The following ZNF521 variants were observed in gnomAD, a reference collection of about 807,000 sequenced individuals.
ZNF521 encodes LYST-interacting protein 3.
In ZNF521, 14 loss-of-function variants were observed where a neutral mutation model predicts 105.5. That is an observed-to-expected ratio of 0.13 (90% confidence interval 0.09 to 0.21). ZNF521 has a LOEUF of 0.21. ZNF521 is among the 10% of genes least tolerant of loss of function. The pLI is 1.00. For missense variants in ZNF521, 1,233 were observed against 1,629.7 expected (o/e 0.76, Z 4.19); for synonymous variants, 635 against 606.0 (o/e 1.05, Z -0.70).
At chr18:25,285,490 GGC>G (rs1910645720) in intron 3 of ZNF521, among the ~76,000 whole-genome samples, 1 of 152,160 alleles carries the variant, frequency 6.6e-6, no homozygotes, top group Non-Finnish European at 1.5e-5. Context: ...TACACAGGCT[GGC>G]CATTTAGGGG....
chr18:25,165,434 G>C (rs1321267953), intron 5 of ZNF521, among the ~76,000 whole-genome samples: 2 of 152,194 alleles, frequency 1.3e-5, no homozygotes, highest in African/African-American at 2.4e-5. Context: ...TGGAACTGCT[G>C]ACAGCAGCAA....
Position 25,292,670 on chromosome 18 carries a change from T to C in ZNF521, c.220+29338A>G, listed in dbSNP as rs1006870988. Among the ~76,000 whole-genome samples, 3 of 152,270 alleles carry C rather than the reference T, an allele frequency of 2.0e-5. No homozygotes were observed. In the South Asian group the frequency reaches 6.2e-4, roughly 32 times the overall value. ...AACGTTATCAGGGAAACAGCCCCAT[T>C]AGACATGACCATGTGGCTTCTGTTG... On this transcript the variant is annotated intron_variant, in intron 3 of 7. Coordinates refer to ENST00000361524, the MANE Select transcript of ZNF521 (RefSeq NM_015461.3).
chr18:25,122,990 G>C (rs2034471561), intron 5 of ZNF521, among the ~76,000 whole-genome samples: 1 of 152,036 alleles, frequency 6.6e-6, no homozygotes, highest in South Asian at 2.1e-4. Context: ...CTTAACTTAG[G>C]ATGAGATTCT....
chr18:25,088,917 G>A (rs1361225132), intron 7 of ZNF521, among the ~76,000 whole-genome samples: 1 of 152,166 alleles, frequency 6.6e-6, no homozygotes, highest in Non-Finnish European at 1.5e-5. Flanking sequence ...TAATCAAGTG[G>A]ACCACTCAAG....
rs1029670115 is a variant in ZNF521, at chr18:25,225,202, G to A, written c.2716C>T (p.Leu906Phe). 3 of 1,614,090 alleles carry A rather than the reference G, an allele frequency of 1.9e-6. No homozygotes were observed. In the African/African-American group the frequency reaches 4.0e-5, roughly 22 times the overall value. The change falls in exon 4 of 8, where the codon CTC becomes TTC. Residue 906 changes from leucine (L) to phenylalanine (F), a missense_variant. This residue lies in a region of ZNF521 where 614 missense variants were observed against 751.5 expected (regional missense o/e 0.82). Transcript: ENST00000361524. This position sits in a 1 kb window ranked among gnomAD's most constrained non-coding sequence, Gnocchi z 5.6. ...CCAGGTCTGATGTTGTGGTCTCGGA[G>A]CTGGTGATTCTGCAGCAAAGTTTCC... is the stretch of plus-strand genomic sequence containing the variant. ...TMETLLQNHQ[L>F]RDHNIRPGES...
chr18:25,114,538 A>G (rs1480386268), intron 5 of ZNF521, among the ~76,000 whole-genome samples: 1 of 152,204 alleles, frequency 6.6e-6, no homozygotes. Flanking sequence ...TGGGCAGGAT[A>G]AATAAGTATT....
rs529652782 is a variant in ZNF521 at position 25,088,538 on chromosome 18, C to T, written c.3906+927G>A. 9.9e-5 allele frequency among the ~76,000 whole-genome samples: 15 copies of T among 152,000 alleles called. No individual in the cohort carries two copies. In the South Asian group the frequency reaches 1.3e-3, roughly 13 times the overall value. ...CCGGCCAACAGAATAATTTTCAGTT[C>T]GACTCTATTCTCCTCCACGGGAACC... On this transcript the variant is annotated intron_variant, in intron 7 of 7. Coordinates refer to ENST00000361524, the MANE Select transcript of ZNF521 (RefSeq NM_015461.3).
chr18:25,089,158 A>G (rs1009807540), intron 7 of ZNF521, among the ~76,000 whole-genome samples: 1 of 152,182 alleles, frequency 6.6e-6, no homozygotes, highest in Non-Finnish European at 1.5e-5. Context: ...GATTTGGGAG[A>G]ATGAGTCATG....
In ZNF521 at chr18:25,110,453, G is replaced by A. The variant is rs371254492; in HGVS notation, c.3659-18372C>T. Among the ~76,000 whole-genome samples the A allele has an allele frequency of 4.4e-3, 587 of 134,112 alleles. 4 individuals carry two copies. Among genetic ancestry groups the A allele is most frequent in the South Asian group, 0.014 (61 of 4,468 alleles). The allele number at this position is 134,112 out of a possible 152,430, so 88.0% of individuals were successfully genotyped here. The stretch of plus-strand genomic sequence containing the variant: ...GGAAGGCAGGAGACCAAAAAAGAAA[G>A]AAAAAGAGGGAGAGAATGAGAGAGG... On this transcript the variant is annotated intron_variant, in intron 5 of 7. Coordinates refer to ENST00000361524, the MANE Select transcript of ZNF521 (RefSeq NM_015461.3).
chr18:25,170,646 G>A (rs1008266885), intron 5 of ZNF521, among the ~76,000 whole-genome samples: 1 of 152,046 alleles, frequency 6.6e-6, no homozygotes, highest in South Asian at 2.1e-4. Context: ...ATGCTTCAGT[G>A]ACACCCAATT....
chr18:25,210,120 T>C (rs1275609252), intron 4 of ZNF521, among the ~76,000 whole-genome samples: 1 of 152,058 alleles, frequency 6.6e-6, no homozygotes, highest in African/African-American at 2.4e-5. Context: ...TTACATACTA[T>C]ATAAATGATT....
intron 2 of ZNF521, among the ~76,000 whole-genome samples, chr18:25,326,654 C>T (rs1409029204): frequency 6.6e-6 from 1 of 152,112 alleles, no homozygotes; most frequent in African/African-American, 2.4e-5. Flanking sequence ...GCCCTCTGTC[C>T]CTCTTGCTGG....
intron 7 of ZNF521, 70 bp from the exon 8 acceptor site, chr18:25,062,811 G>C (rs2032942866): frequency 1.5e-6 from 2 of 1,344,326 alleles, no homozygotes; most frequent in East Asian, 2.7e-5. Flanking sequence ...ACAAACTTCA[G>C]TGATTTCATT....
At chr18:25,273,220 C>CA (rs67381140) in intron 3 of ZNF521, among the ~76,000 whole-genome samples, 450 of 40,860 alleles carry the variant, frequency 0.011, 56 homozygotes, top group East Asian at 0.034. Flanking sequence ...ACCCTGTCTC[C>CA]AAAAAAAAAA....
At chr18:25,099,588 C>T (rs897440432) in intron 5 of ZNF521, among the ~76,000 whole-genome samples, 2 of 152,130 alleles carry the variant, frequency 1.3e-5, no homozygotes, top group Non-Finnish European at 1.5e-5. Context: ...TTTATTTGTC[C>T]CAAGTCATAG....
At chr18:25,190,161 C>T (rs2035793526) in intron 5 of ZNF521, among the ~76,000 whole-genome samples, 1 of 152,140 alleles carries the variant, frequency 6.6e-6, no homozygotes, top group Non-Finnish European at 1.5e-5. Context: ...TTTAATCCAG[C>T]TCTTGATGAA....
At chr18:25,113,040 C>G (rs2034226029) in intron 5 of ZNF521, among the ~76,000 whole-genome samples, 1 of 147,342 alleles carries the variant, frequency 6.8e-6, no homozygotes, top group African/African-American at 2.5e-5. Flanking sequence ...CTCTTTGCAC[C>G]ATGCTGGCCA....
intron 5 of ZNF521, among the ~76,000 whole-genome samples, chr18:25,104,765 C>T (rs530026105): frequency 2.5e-4 from 38 of 152,162 alleles, no homozygotes; most frequent in Non-Finnish European, 4.1e-4. Flanking sequence ...TCTCAGAATA[C>T]AGGAGAAAAG....
At chr18:25,208,693 T>C (rs1234512671) in intron 4 of ZNF521, among the ~76,000 whole-genome samples, 1 of 152,214 alleles carries the variant, frequency 6.6e-6, no homozygotes, top group Non-Finnish European at 1.5e-5. Context: ...TTTTGCAATA[T>C]TATTTTGTTA....
Sources: gnomAD v4.1 joint callset for allele counts (sites outside exome capture counted in the v4.1 genomes callset) on GRCh38, gnomAD v4.1.1 for gene constraint, gnomAD v4.1.1 regional missense constraint, Gnocchi (gnomAD v3.1) non-coding constraint, MANE v1.5 for transcripts, NCBI Gene and HGNC (gene_info 2026-07-23, HGNC 2026-07-21) for gene names.